The following LOC101059915 variants were observed in gnomAD, a reference collection of about 807,000 sequenced individuals.
chrX:71,670,583 T>A, the LOC101059915 span: 2 of 1,099,239 alleles, frequency 1.8e-6, no homozygotes, highest in Non-Finnish European at 1.2e-6. Context: ...GACTAACCAT[T>A]TCTTTTCCAC....
chrX:71,670,497 A>G, the LOC101059915 span: 2 of 1,073,628 alleles, frequency 1.9e-6, no homozygotes, highest in Non-Finnish European at 1.2e-6. Context: ...AATCCACCTC[A>G]CCACTGGGCT....
the LOC101059915 span, chrX:71,670,606 G>A: frequency 9.1e-7 from 1 of 1,102,726 alleles, no homozygotes; most frequent in Non-Finnish European, 1.2e-6. Flanking sequence ...GTGTCTCCTG[G>A]GCTAGTGCAT....
chrX:71,670,947 C>T, the LOC101059915 span: 12 of 752,537 alleles, frequency 1.6e-5, no homozygotes, highest in East Asian at 1.8e-3. Flanking sequence ...CTGCCTGGTA[C>T]TGCTTGTATG....
the LOC101059915 span, chrX:71,668,827 C>T: frequency 9.2e-7 from 1 of 1,084,614 alleles, no homozygotes; most frequent in Non-Finnish European, 1.2e-6. Context: ...GGGAGCCTTT[C>T]CTGCCTGGGG....
chrX:71,668,451 C>CT, the LOC101059915 span: 17 of 1,161,579 alleles, frequency 1.5e-5, no homozygotes, highest in Non-Finnish European at 2.0e-5. Context: ...AGAGCAGCGA[C>CT]TTACCGGTGA....
the LOC101059915 span, chrX:71,670,410 C>T: frequency 2.3e-5 from 27 of 1,153,057 alleles, no homozygotes; most frequent in Middle Eastern, 3.3e-4. Flanking sequence ...AAACTAATTT[C>T]GGTGTCTCCC....
At chrX:71,671,027 C>T in the LOC101059915 span, 1 of 754,544 alleles carries the variant, frequency 1.3e-6, no homozygotes, top group Non-Finnish European at 1.6e-6. Flanking sequence ...GGCCCAACAC[C>T]TGAGAACCAC....
chrX:71,669,772 T>C, the LOC101059915 span: 1 of 942,612 alleles, frequency 1.1e-6, no homozygotes. Context: ...GGGAAACCTC[T>C]GGCTCTGTCG....
chrX:71,670,600 C>T, the LOC101059915 span: 4 of 1,102,061 alleles, frequency 3.6e-6, no homozygotes, highest in South Asian at 7.0e-5. Context: ...CCACTGGTGT[C>T]TCCTGGGCTA....
chrX:71,670,447 T>G, the LOC101059915 span: 24 of 1,112,514 alleles, frequency 2.2e-5, no homozygotes, highest in South Asian at 2.3e-4. Context: ...CCATACCCCA[T>G]GCAGAGTGAG....
the LOC101059915 span, chrX:71,668,266 G>C: frequency 2.8e-5 from 32 of 1,130,363 alleles, no homozygotes; most frequent in Non-Finnish European, 2.8e-5. Flanking sequence ...CAGCCCTGGA[G>C]AATGGCAGCA....
At chrX:71,671,401 G>A in the LOC101059915 span, 122 of 577,438 alleles carry the variant, frequency 2.1e-4, no homozygotes, top group East Asian at 4.5e-3. Context: ...TACCTTTGGA[G>A]CTCCGGAGCT....
the LOC101059915 span, chrX:71,670,710 G>T: frequency 9.0e-7 from 1 of 1,106,598 alleles, no homozygotes; most frequent in Non-Finnish European, 1.2e-6. Context: ...CGTTCTGCAG[G>T]TGCTGGTGGT....
the LOC101059915 span, chrX:71,668,956 C>T: frequency 1.7e-6 from 2 of 1,160,658 alleles, no homozygotes; most frequent in Non-Finnish European, 2.3e-6. Flanking sequence ...TGGGAAGAAA[C>T]CTGCAGGAAG....
the LOC101059915 span, chrX:71,670,349 G>T: frequency 8.6e-7 from 1 of 1,165,391 alleles, no homozygotes; most frequent in Non-Finnish European, 1.1e-6. Flanking sequence ...TGCTTTGTGT[G>T]GCTCCTAGAA....
At chrX:71,667,682 C>T in the LOC101059915 span, 3 of 758,761 alleles carry the variant, frequency 4.0e-6, no homozygotes, top group East Asian at 4.3e-5. Flanking sequence ...TATCAATTCG[C>T]TCTCAGGCTC....
At chrX:71,667,822 G>A in the LOC101059915 span, 115 of 1,071,827 alleles carry the variant, frequency 1.1e-4, 1 homozygote, top group Admixed American at 8.2e-4. Context: ...CACGGATGAA[G>A]TGTCCGTTTG....
At chrX:71,669,626 C>G in the LOC101059915 span, 1 of 967,986 alleles carries the variant, frequency 1.0e-6, no homozygotes, top group Non-Finnish European at 1.3e-6. Context: ...AGTGGTGATC[C>G]CAACATCAGA....
At chrX:71,670,482 G>T in the LOC101059915 span, 1 of 1,082,178 alleles carries the variant, frequency 9.2e-7, no homozygotes, top group Non-Finnish European at 1.2e-6. Flanking sequence ...TGAGGGTTTT[G>T]TGCCAATCCA....
Sources: gnomAD v4.1 joint callset for allele counts on GRCh38, gnomAD v4.1.1 for gene constraint, MANE v1.5 for transcripts.